The following CCDC88C variants were observed in gnomAD, a reference collection of about 807,000 sequenced individuals.
CCDC88C encodes protein Daple.
In CCDC88C, 131 loss-of-function variants were observed where a neutral mutation model predicts 198.8. The ratio of observed to expected loss-of-function variants is 0.66; its 90% confidence interval spans 0.57 to 0.76. The LOEUF (loss-of-function observed/expected upper bound fraction) is 0.76. Ranked by LOEUF, CCDC88C falls within the 30% of genes least tolerant of loss-of-function variation. The probability of loss-of-function intolerance (pLI) is 0.00; values close to 1 mark genes in which losing one functional copy is unlikely to be tolerated. For synonymous variants in CCDC88C, 1,166 were observed against 1,114.7 expected, an observed-to-expected ratio of 1.05 and a Z score of -0.92; for missense variants, 2,553 against 2,631.6, an observed-to-expected ratio of 0.97 and a Z score of 0.65.
At chr14:91,343,752 C>T in intron 4 of CCDC88C, 95 bp from the exon 5 acceptor site, 1 of 1,395,628 alleles carries the variant, frequency 7.2e-7, no homozygotes, top group Non-Finnish European at 9.9e-7. Flanking sequence ...AAAAAAAAAT[C>T]ATCTCTCTAC....
Position 91,338,425 on chromosome 14 carries a change from C to T in CCDC88C, c.891+64G>A. 1.4e-6 allele frequency: 2 copies of T among 1,393,756 alleles called. No homozygotes were observed. The highest frequency in any genetic ancestry group is 1.0e-6 in the Non-Finnish European group (1 of 1,003,952). 86.3% of individuals were successfully genotyped at this position (1,393,756 alleles called of 1,614,324 possible). A position where few individuals can be genotyped will look rare whatever the true frequency, so the allele number is the denominator to read the frequency against. The stretch of plus-strand genomic sequence containing the variant: ...GCTGTTGAGCTCCTGACCCTCCAGG[C>T]CCCGTTACTGGACACTCCAGCCCTG... On this transcript the variant is annotated intron_variant, in intron 9 of 29. Transcript: ENST00000389857. This position sits in a 1 kb window ranked among gnomAD's most constrained non-coding sequence, Gnocchi z 4.8.
intron 3 of CCDC88C, among the ~76,000 whole-genome samples, chr14:91,405,711 T>C (rs1277300483): frequency 6.6e-6 from 1 of 152,194 alleles, no homozygotes; most frequent in African/African-American, 2.4e-5. Context: ...ACTTGTCTGT[T>C]TTCTAAGCTG....
At chr14:91,411,050 T>C (rs1006762531) in intron 2 of CCDC88C, among the ~76,000 whole-genome samples, 1 of 152,164 alleles carries the variant, frequency 6.6e-6, no homozygotes, top group Non-Finnish European at 1.5e-5. Context: ...CTGAAACAAC[T>C]CTAAAAGAAC....
chr14:91,401,236 T>A (rs1188726772), intron 3 of CCDC88C, among the ~76,000 whole-genome samples: 2 of 117,794 alleles, frequency 1.7e-5, no homozygotes, highest in Middle Eastern at 4.0e-3. Context: ...ATATATATAT[T>A]TATATATTAT....
In CCDC88C at chr14:91,339,874, G is replaced by A. The variant is rs772620056; in HGVS notation, c.624+10C>T. 11 of 1,575,682 alleles carry A rather than the reference G, an allele frequency of 7.0e-6. No individual in the cohort carries two copies. Among genetic ancestry groups the A allele is most frequent in the South Asian group, 3.5e-5 (3 of 86,116 alleles). On this transcript the variant is annotated intron_variant, in intron 7 of 29. Transcript: ENST00000389857. The surrounding 1 kb of genome is among the most constrained non-coding windows in gnomAD (Gnocchi z 5.8). ...CCCAGGCTGACCGGGCCACCGACCC[G>A]CGGACGCACCTCGGTGCACTCGTCC... is the stretch of plus-strand genomic sequence containing the variant.
intron 4 of CCDC88C, among the ~76,000 whole-genome samples, chr14:91,344,641 A>G (rs1410467491): frequency 6.6e-6 from 1 of 151,288 alleles, no homozygotes; most frequent in African/African-American, 2.4e-5. Flanking sequence ...CCTCCCGAGT[A>G]GCTGGGACTA....
intron 21 of CCDC88C, among the ~76,000 whole-genome samples, chr14:91,298,239 C>G (rs938415576): frequency 6.6e-6 from 1 of 152,060 alleles, no homozygotes; most frequent in Non-Finnish European, 1.5e-5. Flanking sequence ...CCACACCAGC[C>G]TAGGCGACAT....
intron 29 of CCDC88C, among the ~76,000 whole-genome samples, chr14:91,277,136 AT>A (rs1176691026): frequency 6.6e-6 from 1 of 151,938 alleles, no homozygotes; most frequent in East Asian, 1.9e-4. Context: ...GGCCCGGCTA[AT>A]TTTTGTATTT....
At chr14:91,359,596 C>A (rs1475722251) in intron 4 of CCDC88C, 46 bp downstream of exon 4, 1 of 1,511,024 alleles carries the variant, frequency 6.6e-7, no homozygotes, top group African/African-American at 1.4e-5. Flanking sequence ...CAACGCCATG[C>A]CTCTGGCTGG....
At chr14:91,292,196 G>A (rs1026525161) in intron 23 of CCDC88C, among the ~76,000 whole-genome samples, 3 of 152,186 alleles carry the variant, frequency 2.0e-5, no homozygotes, top group African/African-American at 4.8e-5. Flanking sequence ...CTCGACATCC[G>A]TGTGCTGGTG....
intron 15 of CCDC88C, among the ~76,000 whole-genome samples, chr14:91,311,984 G>GA (rs1235665312): frequency 1.3e-5 from 2 of 151,262 alleles, no homozygotes; most frequent in Non-Finnish European, 3.0e-5. Flanking sequence ...AAAACTTCAG[G>GA]AAAGGATTCT....
Position 91,307,325 on chromosome 14 carries a change from A to G in CCDC88C, c.3007-99T>C, listed in dbSNP as rs1891602452. The G allele has an allele frequency of 3.0e-6, 3 of 1,003,422 alleles. No individual in the cohort carries two copies. The Admixed American group carries it at 5.4e-5, about 18-fold the overall frequency. 62.2% of individuals were successfully genotyped at this position (1,003,422 alleles called of 1,614,324 possible). On this transcript the variant is annotated intron_variant, in intron 17 of 29. Coordinates refer to ENST00000389857, the MANE Select transcript of CCDC88C (RefSeq NM_001080414.4). ...GGGCAACCTGCACCACACCCTCCAC[A>G]CTCCCCATACTCGCCCGCCCTGGTC...
rs1278143278 is a variant in CCDC88C, at chr14:91,417,649, C to G, written c.42G>C (p.Gln14His). 1 of 1,590,910 alleles carries G rather than the reference C, an allele frequency of 6.3e-7. No homozygotes were observed. The highest frequency in any genetic ancestry group is 8.5e-7 in the Non-Finnish European group (1 of 1,171,218). Residue 14 changes from glutamine (Q) to histidine (H), a missense_variant, in exon 1 of 30, where the codon CAG becomes CAC. Transcript: ENST00000389857. ...TVSELLELFL[Q>H]SPLVTWVKTF... ...CACTCACCCAGGTCACCAGCGGGCT[C>G]TGCAGGAAGAGCTCCAGGAGCTCCG...
At chr14:91,417,530 G>C in intron 1 of CCDC88C, 101 bp downstream of exon 1, 1 of 1,093,098 alleles carries the variant, frequency 9.1e-7, no homozygotes, top group Non-Finnish European at 1.3e-6. Context: ...GCGCCCCGGA[G>C]CCACCCGGGG....
At chr14:91,327,644 C>T (rs1181099056) in intron 10 of CCDC88C, among the ~76,000 whole-genome samples, 2 of 152,192 alleles carry the variant, frequency 1.3e-5, no homozygotes, top group Non-Finnish European at 1.5e-5. Context: ...AGCCCACCCT[C>T]GAGGGGCTTG....
In CCDC88C at chr14:91,317,768, G is replaced by A. The variant is rs551527819; in HGVS notation, c.1528-1981C>T. ...CAAGACAGGGCCTCCCGAGGGCCAC[G>A]GCAGGAGAGGCTGGCGTCGGGCCAG... On this transcript the variant is annotated intron_variant, in intron 13 of 29. Transcript: ENST00000389857. Among the ~76,000 whole-genome samples, 13 of 152,302 alleles carry A rather than the reference G, an allele frequency of 8.5e-5. No homozygotes were observed. In the South Asian group the frequency reaches 1.0e-3, roughly 12 times the overall value.
Position 91,289,260 on chromosome 14 carries a change from G to A in CCDC88C, c.4286C>T (p.Thr1429Ile), listed in dbSNP as rs1290108716. 1.9e-6 allele frequency: 3 copies of A among 1,614,062 alleles called. No homozygotes were observed. Among genetic ancestry groups the A allele is most frequent in the Admixed American group, 3.3e-5 (2 of 60,028 alleles). ...CAGCTGCCAGGGAGGGCTGTCCACG[G>A]TGGATTTTAAGCGTTCCCTCGAACC... ...KEGSRERLKS[T>I]VDSPPWQLES... Residue 1429 changes from threonine to isoleucine, a missense_variant, in exon 25 of 30, where the codon ACC becomes ATC. This residue lies in a region of CCDC88C where 1,293 missense variants were observed against 1,219.6 expected (regional missense o/e 1.06). Coordinates refer to ENST00000389857, the MANE Select transcript of CCDC88C (RefSeq NM_001080414.4).
chr14:91,369,884 CG>C (rs1005691596), intron 3 of CCDC88C, among the ~76,000 whole-genome samples: 20 of 152,172 alleles, frequency 1.3e-4, no homozygotes, highest in African/African-American at 4.6e-4. Flanking sequence ...CAAGGCCACC[CG>C]TGTCTCCGTA....
Position 91,371,655 on chromosome 14 carries a change from C to T in CCDC88C, c.271-11944G>A, listed in dbSNP as rs1469858329. Among the ~76,000 whole-genome samples the T allele has an allele frequency of 6.6e-6, 1 of 152,172 alleles. No individual in the cohort carries two copies. Among genetic ancestry groups the T allele is most frequent in the Non-Finnish European group, 1.5e-5 (1 of 68,026 alleles). On this transcript the variant is annotated intron_variant, in intron 3 of 29. Transcript: ENST00000389857. This position sits in a 1 kb window ranked among gnomAD's most constrained non-coding sequence, Gnocchi z 4.2. ...CCTATCTGTCCTGGGCACACCCTCC[C>T]TAGCTCAGCAGAAGCAAGGCCTTCC...
Sources: gnomAD v4.1 joint callset for allele counts (sites outside exome capture counted in the v4.1 genomes callset) on GRCh38, gnomAD v4.1.1 for gene constraint, gnomAD v4.1.1 regional missense constraint, Gnocchi (gnomAD v3.1) non-coding constraint, MANE v1.5 for transcripts, NCBI Gene and HGNC (gene_info 2026-07-23, HGNC 2026-07-21) for gene names.